The following MEGF6 variants were observed in gnomAD, a reference collection of about 807,000 sequenced individuals.
MEGF6 encodes the protein multiple epidermal growth factor-like domains protein 6.
In MEGF6, 184 loss-of-function variants were observed where a neutral mutation model predicts 207.1. That is an observed-to-expected ratio of 0.89 (90% CI 0.79 to 1.00). MEGF6 has a LOEUF of 1.00. MEGF6 is among the 50% of genes least tolerant of loss of function. MEGF6 has a pLI of 0.00. For missense variants in MEGF6, 2,282 were observed against 2,202.9 expected (o/e 1.04, Z -0.72); for synonymous variants, 1,038 against 910.0 (o/e 1.14, Z -2.53).
intron 4 of MEGF6, among the ~76,000 whole-genome samples, chr1:3,570,927 A>T (rs1399900330): frequency 1.3e-5 from 2 of 152,088 alleles, no homozygotes; most frequent in Non-Finnish European, 2.9e-5. Flanking sequence ...CCCCAGGGAC[A>T]GGGCCCCAGG....
upstream of MEGF6, among the ~76,000 whole-genome samples, chr1:3,612,657 C>G (rs1298031728): frequency 6.6e-6 from 1 of 152,212 alleles, no homozygotes; most frequent in Non-Finnish European, 1.5e-5. Flanking sequence ...TGGCCAGGCC[C>G]TGTTCCTTGG....
the MEGF6 span, among the ~76,000 whole-genome samples, chr1:3,622,625 G>A: frequency 6.6e-6 from 1 of 152,184 alleles, no homozygotes; most frequent in Non-Finnish European, 1.5e-5. Flanking sequence ...TGAAGATGGA[G>A]GCAGGGATGG....
intron 1 of MEGF6, among the ~76,000 whole-genome samples, chr1:3,609,068 G>A (rs1166361898): frequency 1.3e-5 from 2 of 152,136 alleles, no homozygotes; most frequent in Admixed American, 6.5e-5. Context: ...CGGGGGTGCC[G>A]CTGCCCCGTG....
intron 36 of MEGF6, 110 bp downstream of exon 36, chr1:3,490,802 C>T (rs1009682351): frequency 8.6e-6 from 12 of 1,395,516 alleles, no homozygotes; most frequent in East Asian, 5.0e-5. Flanking sequence ...CCCAAGGCCC[C>T]GGGTGCAGCT....
intron 4 of MEGF6, among the ~76,000 whole-genome samples, chr1:3,538,868 C>G (rs1642416519): frequency 6.6e-6 from 1 of 152,310 alleles, no homozygotes; most frequent in South Asian, 2.1e-4. Context: ...CCAGGCAAGG[C>G]CAGCCCCACG....
At chr1:3,519,806 G>A (rs184245360) in intron 5 of MEGF6, among the ~76,000 whole-genome samples, 1 of 152,248 alleles carries the variant, frequency 6.6e-6, no homozygotes, top group Non-Finnish European at 1.5e-5. Flanking sequence ...CAGGGGAGGG[G>A]GTCTATGCAG....
intron 6 of MEGF6, among the ~76,000 whole-genome samples, chr1:3,515,137 C>T (rs113256812): frequency 3.3e-3 from 499 of 152,346 alleles, no homozygotes; most frequent in African/African-American, 0.01. Flanking sequence ...CCCCTTTCCA[C>T]GCAAGCAGCC....
upstream of MEGF6, among the ~76,000 whole-genome samples, chr1:3,612,771 CCT>C (rs139221001): frequency 7.3e-3 from 1,113 of 152,214 alleles, 22 homozygotes; most frequent in African/African-American, 0.024. Flanking sequence ...GGGAGCACCC[CCT>C]GACTGTCCCG....
chr1:3,571,450 C>A (rs1444598925), intron 4 of MEGF6, among the ~76,000 whole-genome samples: 1 of 152,044 alleles, frequency 6.6e-6, no homozygotes, highest in Non-Finnish European at 1.5e-5. Context: ...CCCCCCCAGA[C>A]ACGCTGGGTC....
intron 1 of MEGF6, among the ~76,000 whole-genome samples, chr1:3,606,327 C>T (rs951674927): frequency 5.3e-5 from 8 of 152,164 alleles, no homozygotes; most frequent in Admixed American, 6.5e-5. Flanking sequence ...GGAAGGATTG[C>T]GTGTGTTTGC....
At chr1:3,499,768 C>G in intron 22 of MEGF6, 28 bp downstream of exon 22, 1 of 1,579,240 alleles carries the variant, frequency 6.3e-7, no homozygotes, top group East Asian at 2.3e-5. Context: ...GGCCACCCAG[C>G]CTAGCCCCCG....
chr1:3,513,931 G>T (rs1641443452), intron 7 of MEGF6, among the ~76,000 whole-genome samples: 1 of 151,710 alleles, frequency 6.6e-6, no homozygotes, highest in Non-Finnish European at 1.5e-5. Context: ...CAGTTTTCCT[G>T]CTGGGCAGGC....
chr1:3,510,682 C>A (rs1641309042), intron 10 of MEGF6, 101 bp downstream of exon 10: 3 of 1,457,862 alleles, frequency 2.1e-6, no homozygotes, highest in Non-Finnish European at 2.7e-6. Context: ...CAGGCCGACC[C>A]CATGCCCACC....
intron 32 of MEGF6, 37 bp downstream of exon 32, chr1:3,494,334 A>G: frequency 6.6e-7 from 1 of 1,524,754 alleles, no homozygotes. Context: ...AGTGGCTCAA[A>G]GGGGCCCCAG....
At chr1:3,580,636 C>T (rs1469895041) in intron 3 of MEGF6, among the ~76,000 whole-genome samples, 1 of 151,992 alleles carries the variant, frequency 6.6e-6, no homozygotes, top group Non-Finnish European at 1.5e-5. Flanking sequence ...GCCCCCTCCA[C>T]AGCAGGTGCC....
rs1221677951 is a variant in MEGF6 at position 3,500,782 on chromosome 1, G to A, written c.2576-18C>T. 1.2e-6 allele frequency: 2 copies of A among 1,603,546 alleles called. No homozygotes were observed. Among genetic ancestry groups the A allele is most frequent in the Admixed American group, 3.4e-5 (2 of 58,940 alleles). On this transcript the variant is annotated intron_variant, in intron 20 of 36. Transcript: ENST00000356575. ...ATCACAGGCTGCAACAGAACTCAGG[G>A]TCACCCGGCGCAGGCCCAAGCGCGG... is the stretch of plus-strand genomic sequence containing the variant.
intron 4 of MEGF6, among the ~76,000 whole-genome samples, chr1:3,549,835 A>G (rs1170677388): frequency 1.3e-5 from 2 of 152,238 alleles, no homozygotes; most frequent in Non-Finnish European, 2.9e-5. Context: ...CTACGTGGGC[A>G]CCAGACAGGC....
intron 4 of MEGF6, among the ~76,000 whole-genome samples, chr1:3,551,792 T>C (rs1318155935): frequency 6.6e-6 from 1 of 151,974 alleles, no homozygotes; most frequent in East Asian, 1.9e-4. Context: ...GCGACTTCCA[T>C]CAGGAAAACC....
intron 17 of MEGF6, 50 bp downstream of exon 17, chr1:3,505,158 C>G (rs138174343): frequency 3.6e-5 from 58 of 1,596,942 alleles, no homozygotes; most frequent in South Asian, 3.3e-4. Flanking sequence ...AGGCAGGCAG[C>G]CTACACCCCA....
Sources: gnomAD v4.1 joint callset for allele counts (sites outside exome capture counted in the v4.1 genomes callset) on GRCh38, gnomAD v4.1.1 for gene constraint, MANE v1.5 for transcripts, NCBI Gene and HGNC (gene_info 2026-07-23, HGNC 2026-07-21) for gene names.